SLC12A8: variants seen among roughly 807,000 people sequenced by gnomAD.
SLC12A8 encodes the protein cation-chloride cotransporter 9.
In SLC12A8, 69 loss-of-function variants were observed where a neutral mutation model predicts 75.6. That is an observed-to-expected ratio of 0.91 (90% CI 0.75 to 1.11). The LOEUF (loss-of-function observed/expected upper bound fraction) is 1.11, where lower values mean the gene tolerates loss of function less well. Among genes scored for constraint, SLC12A8 ranks in the 50% most tolerant of loss-of-function variants. The pLI is 0.00. For missense variants in SLC12A8, 877 were observed against 896.7 expected (o/e 0.98, Z 0.28); for synonymous variants, 365 against 372.8 (o/e 0.98, Z 0.24).
chr3:125,091,520 A>G lies in SLC12A8; in HGVS notation c.1840T>C (p.Trp614Arg), dbSNP rs1339987623. The change falls in exon 12 of 14, where the codon TGG becomes CGG. Residue 614 changes from tryptophan to arginine, a missense_variant. Coordinates refer to ENST00000469902, the MANE Select transcript of SLC12A8 (RefSeq NM_024628.6). ...CCCATGTTAACCAGGGTATACACCC[A>G]CTGTATCACAAACATGATGAGAAGG... ...GSLLIMFVIQWVYTLVNMGVA... is the reference protein window; with the variant it reads ...GSLLIMFVIQRVYTLVNMGVA... 8.7e-6 allele frequency: 14 copies of G among 1,613,898 alleles called. No homozygotes were observed. The East Asian group carries it at 3.1e-4, about 36-fold the overall frequency.
chr3:125,153,575 G>A (rs1356829824), intron 5 of SLC12A8, among the ~76,000 whole-genome samples: 1 of 152,222 alleles, frequency 6.6e-6, no homozygotes, highest in Admixed American at 6.5e-5. Context: ...GTCGCACTAA[G>A]TTCTGCCCCT....
chr3:125,191,595 A>C (rs1464065), intron 2 of SLC12A8, among the ~76,000 whole-genome samples: 76,914 of 152,052 alleles, frequency 0.51, 20,004 homozygotes, highest in Non-Finnish European at 0.58. Flanking sequence ...AGGCAGAAAA[A>C]TCAAGAGTTT....
chr3:125,166,340 C>CCTT (rs1934289460), intron 5 of SLC12A8, among the ~76,000 whole-genome samples: 1 of 151,812 alleles, frequency 6.6e-6, no homozygotes, highest in Admixed American at 6.6e-5. Context: ...TCTTTTCCAC[C>CCTT]CTAGAGGCCC....
At chr3:125,164,648 G>A (rs1258503678) in intron 5 of SLC12A8, among the ~76,000 whole-genome samples, 1 of 152,250 alleles carries the variant, frequency 6.6e-6, no homozygotes, top group Non-Finnish European at 1.5e-5. Flanking sequence ...CCAGGGTCTT[G>A]CCGGCCTGAG....
chr3:125,165,313 C>A (rs1308980066), intron 5 of SLC12A8, among the ~76,000 whole-genome samples: 1 of 152,250 alleles, frequency 6.6e-6, no homozygotes, highest in African/African-American at 2.4e-5. Flanking sequence ...CTGGGACGAG[C>A]CTTTCCAGCC....
intron 5 of SLC12A8, among the ~76,000 whole-genome samples, chr3:125,157,960 G>A (rs550354469): frequency 1.3e-5 from 2 of 152,170 alleles, no homozygotes; most frequent in Non-Finnish European, 2.9e-5. Context: ...GAACTGATTA[G>A]AGTGGAGGAG....
intron 11 of SLC12A8, 73 bp downstream of exon 11, chr3:125,092,028 C>A (rs1938592202): frequency 1.9e-6 from 2 of 1,064,924 alleles, no homozygotes; most frequent in South Asian, 1.4e-5. Flanking sequence ...TCCTCCCCCA[C>A]AGCCCAAGAT....
chr3:125,131,783 G>T (rs1933363877), intron 6 of SLC12A8, among the ~76,000 whole-genome samples: 1 of 152,218 alleles, frequency 6.6e-6, no homozygotes, highest in Admixed American at 6.5e-5. Flanking sequence ...CCAGAAAGCT[G>T]GCCCTGGACA....
intron 2 of SLC12A8, among the ~76,000 whole-genome samples, chr3:125,208,789 C>CAGAGAGAG (rs1272180422): frequency 3.0e-4 from 30 of 98,522 alleles, no homozygotes; most frequent in East Asian, 9.4e-4. Flanking sequence ...CACACACACA[C>CAGAGAGAG]ACAGAGAGAG....
chr3:125,183,449 T>C (rs1381547824), intron 4 of SLC12A8, among the ~76,000 whole-genome samples: 1 of 152,134 alleles, frequency 6.6e-6, no homozygotes, highest in Non-Finnish European at 1.5e-5. Context: ...GTAATTCTTT[T>C]AGCAAAATTG....
At chr3:125,208,862 C>T (rs1032652640) in intron 2 of SLC12A8, among the ~76,000 whole-genome samples, 1 of 140,316 alleles carries the variant, frequency 7.1e-6, no homozygotes, top group South Asian at 2.3e-4. Context: ...AAAGCCAAAC[C>T]AAGAGTCCAT....
intron 6 of SLC12A8, among the ~76,000 whole-genome samples, chr3:125,126,364 G>A (rs1229152325): frequency 6.6e-6 from 1 of 152,150 alleles, no homozygotes; most frequent in Non-Finnish European, 1.5e-5. Context: ...CCAGTGTCTG[G>A]TCTCACAGAA....
rs1032020705 is a variant in SLC12A8, at chr3:125,177,975, C to G, written c.391-1G>C. On this transcript the variant is annotated splice_acceptor_variant, in intron 4 of 13. Coordinates refer to ENST00000469902, the MANE Select transcript of SLC12A8 (RefSeq NM_024628.6). LOFTEE classifies it high-confidence loss of function. Reference sequence around the variant, plus strand: ...TGATATACATGGCACCTGCAACACACTGACATGCGATTCCAGGTAGAAGAG... The same window carrying G: ...TGATATACATGGCACCTGCAACACAGTGACATGCGATTCCAGGTAGAAGAG... The G allele has an allele frequency of 3.7e-6, 6 of 1,610,180 alleles. No homozygotes were observed. Among genetic ancestry groups the G allele is most frequent in the Non-Finnish European group, 4.2e-6 (5 of 1,177,762 alleles).
At chr3:125,161,825 G>A (rs182633560) in intron 5 of SLC12A8, among the ~76,000 whole-genome samples, 1 of 152,258 alleles carries the variant, frequency 6.6e-6, no homozygotes, top group South Asian at 2.1e-4. Flanking sequence ...CCACTGACCC[G>A]GCCGCACTCT....
chr3:125,178,323 A>G (rs1934583248), intron 4 of SLC12A8, among the ~76,000 whole-genome samples: 1 of 152,198 alleles, frequency 6.6e-6, no homozygotes, highest in South Asian at 2.1e-4. Flanking sequence ...AACTAAATAT[A>G]GAACAAGAAC....
At chr3:125,116,593 C>T (rs1939317853) in intron 8 of SLC12A8, among the ~76,000 whole-genome samples, 1 of 152,142 alleles carries the variant, frequency 6.6e-6, no homozygotes, top group East Asian at 1.9e-4. Flanking sequence ...CTGTTTGTGG[C>T]CTTCCTTAGA....
At chr3:125,195,631 C>T (rs1934996361) in intron 2 of SLC12A8, among the ~76,000 whole-genome samples, 1 of 151,614 alleles carries the variant, frequency 6.6e-6, no homozygotes, top group Non-Finnish European at 1.5e-5. Flanking sequence ...CATCTTCACA[C>T]TTGTTCAAGG....
chr3:125,205,985 A>C (rs1186576163), intron 2 of SLC12A8, among the ~76,000 whole-genome samples: 1 of 152,032 alleles, frequency 6.6e-6, no homozygotes, highest in Non-Finnish European at 1.5e-5. Context: ...ATGCTTAAAG[A>C]AAAAAAAGAG....
At chr3:125,172,401 A>C (rs1934423313) in intron 5 of SLC12A8, among the ~76,000 whole-genome samples, 2 of 151,910 alleles carry the variant, frequency 1.3e-5, no homozygotes, top group South Asian at 4.2e-4. Flanking sequence ...TGTCTTAAGG[A>C]TACTAAAACA....
Sources: gnomAD v4.1 joint callset for allele counts (sites outside exome capture counted in the v4.1 genomes callset) on GRCh38, gnomAD v4.1.1 for gene constraint, MANE v1.5 for transcripts, NCBI Gene and HGNC (gene_info 2026-07-23, HGNC 2026-07-21) for gene names.